The following FAF1 variants were observed in gnomAD, a reference collection of about 807,000 sequenced individuals.
FAF1 encodes FAS-associated factor 1.
FAF1 carries 25 observed loss-of-function variants against 92.5 expected under a neutral mutation model. That is an observed-to-expected ratio of 0.27 (90% CI 0.20 to 0.38). FAF1 has a LOEUF of 0.38. FAF1 is among the 10% of genes least tolerant of loss of function. The pLI is 1.00. For synonymous variants in FAF1, 234 were observed against 273.2 expected, an observed-to-expected ratio of 0.86 and a Z score of 1.42; for missense variants, 636 against 793.3, an observed-to-expected ratio of 0.80 and a Z score of 2.38.
At chr1:50,822,774 CTTTT>C (rs772097310) in intron 2 of FAF1, among the ~76,000 whole-genome samples, 23 of 125,206 alleles carry the variant, frequency 1.8e-4, no homozygotes, top group Admixed American at 7.1e-4. Context: ...TTCTTTCTTT[CTTTT>C]TTTTTTTTTT....
intron 1 of FAF1, among the ~76,000 whole-genome samples, chr1:50,931,243 T>G (rs1038742926): frequency 6.6e-6 from 1 of 152,260 alleles, no homozygotes; most frequent in Non-Finnish European, 1.5e-5. Context: ...TATTTTGTTT[T>G]CAATCTGTTC....
intron 8 of FAF1, among the ~76,000 whole-genome samples, chr1:50,631,613 C>A (rs11205747): frequency 0.12 from 18,712 of 152,110 alleles, 1,829 homozygotes; most frequent in African/African-American, 0.28. Context: ...TAAGAAAAAA[C>A]AATCATGCTG....
At chr1:50,831,805 CAA>C (rs1157102526) in intron 2 of FAF1, among the ~76,000 whole-genome samples, 1,242 of 81,686 alleles carry the variant, frequency 0.015, 11 homozygotes, top group African/African-American at 0.05. Context: ...TTATCAGAGA[CAA>C]AAAAAAAAAA....
At chr1:50,585,816 T>A (rs900412975) in intron 9 of FAF1, among the ~76,000 whole-genome samples, 1 of 145,906 alleles carries the variant, frequency 6.9e-6, no homozygotes, top group Non-Finnish European at 1.5e-5. Flanking sequence ...AGAAAAGCAT[T>A]AATAGAAACA....
chr1:50,462,534 C>T (rs1469984738), intron 18 of FAF1, among the ~76,000 whole-genome samples: 1 of 152,166 alleles, frequency 6.6e-6, no homozygotes, highest in East Asian at 1.9e-4. Context: ...CAACTCCTCC[C>T]CTTTTTAAAG....
chr1:50,588,095 T>TG (rs1478658917), intron 9 of FAF1, among the ~76,000 whole-genome samples: 1 of 152,140 alleles, frequency 6.6e-6, no homozygotes, highest in Non-Finnish European at 1.5e-5. Flanking sequence ...GAGACCAGCC[T>TG]GGCCAACATG....
At chr1:50,879,888 GGAT>G (rs1177828319) in intron 1 of FAF1, among the ~76,000 whole-genome samples, 3 of 152,178 alleles carry the variant, frequency 2.0e-5, no homozygotes, top group Non-Finnish European at 4.4e-5. Flanking sequence ...AGAAGAAGTA[GGAT>G]GATAAGATGT....
chr1:50,687,485 C>T (rs1278749761), intron 7 of FAF1, among the ~76,000 whole-genome samples: 1 of 152,026 alleles, frequency 6.6e-6, no homozygotes, highest in African/African-American at 2.4e-5. Flanking sequence ...TGCGATGGCT[C>T]ATGCCTGTAA....
In FAF1 at chr1:50,437,799, G is replaced by GA. The variant is rs1646139760; in HGVS notation, c.*3640dup. The GA allele has an allele frequency of 6.6e-6, 1 of 151,914 alleles. No individual in the cohort carries two copies. Among genetic ancestry groups the GA allele is most frequent in the African/African-American group, 2.4e-5 (1 of 41,340 alleles). The allele number at this position is 151,914 out of a possible 1,614,324, so 9.4% of individuals were successfully genotyped here. A position where few individuals can be genotyped will look rare whatever the true frequency, so the allele number is the denominator to read the frequency against. On this transcript the variant is annotated 3_prime_UTR_variant, in exon 19 of 19. Transcript: ENST00000396153. ...GCACTTTGGGAGGCTGAGGTGGGCC[G>GA]ATTACCTGAGGTCAGGAGTTCTAGA...
chr1:50,637,954 A>G (rs1472159137), intron 8 of FAF1, among the ~76,000 whole-genome samples: 1 of 151,924 alleles, frequency 6.6e-6, no homozygotes, highest in Admixed American at 6.6e-5. Context: ...ATGGTAGCTC[A>G]TTCCATGTCT....
At chr1:50,734,590 C>G (rs919176744) in intron 6 of FAF1, among the ~76,000 whole-genome samples, 1 of 151,894 alleles carries the variant, frequency 6.6e-6, no homozygotes, top group Non-Finnish European at 1.5e-5. Flanking sequence ...AAAAATTAGC[C>G]GGGCGTATTG....
intron 1 of FAF1, among the ~76,000 whole-genome samples, chr1:50,905,402 T>C (rs1374157973): frequency 1.3e-5 from 2 of 152,238 alleles, no homozygotes; most frequent in Non-Finnish European, 1.5e-5. Flanking sequence ...ATATACCCAA[T>C]AATGGGATGG....
intron 1 of FAF1, among the ~76,000 whole-genome samples, chr1:50,875,958 G>A (rs1346754370): frequency 1.3e-5 from 2 of 152,130 alleles, no homozygotes; most frequent in Admixed American, 1.3e-4. Context: ...AATTTCGTAT[G>A]TGTGTTTTTG....
Position 50,583,968 on chromosome 1 carries a change from C to T in FAF1, c.968-253G>A, listed in dbSNP as rs1230414112. Among the ~76,000 whole-genome samples, 2 of 152,082 alleles carry T rather than the reference C, an allele frequency of 1.3e-5. No individual in the cohort carries two copies. Among genetic ancestry groups the T allele is most frequent in the Admixed American group, 6.5e-5 (1 of 15,282 alleles). ...ATAAATTTTGAAAAACCAATGGACA[C>T]AATCCTGCTAAGCATTTAAAATATG... On this transcript the variant is annotated intron_variant, in intron 10 of 18. Transcript: ENST00000396153. The surrounding 1 kb of genome is among the most constrained non-coding windows in gnomAD (Gnocchi z 4.2).
At chr1:50,669,144 C>T (rs974106187) in intron 7 of FAF1, among the ~76,000 whole-genome samples, 1 of 152,160 alleles carries the variant, frequency 6.6e-6, no homozygotes, top group Non-Finnish European at 1.5e-5. Context: ...CTTCCTTCCT[C>T]CCATGCCTAA....
intron 1 of FAF1, among the ~76,000 whole-genome samples, chr1:50,957,347 C>CT (rs1188286312): frequency 0.047 from 4,889 of 104,240 alleles, 422 homozygotes; most frequent in African/African-American, 0.13. Flanking sequence ...TTTTCATTTT[C>CT]TTTTTTTTTT....
At chr1:50,577,873 G>A (rs1650823981) in intron 12 of FAF1, among the ~76,000 whole-genome samples, 1 of 152,130 alleles carries the variant, frequency 6.6e-6, no homozygotes, top group Admixed American at 6.5e-5. Flanking sequence ...TACCAAAGTT[G>A]GAAGCTCTGC....
At chr1:50,815,799 G>A (rs1301238028) in intron 2 of FAF1, among the ~76,000 whole-genome samples, 1 of 152,084 alleles carries the variant, frequency 6.6e-6, no homozygotes, top group African/African-American at 2.4e-5. Flanking sequence ...CGAGACGGGC[G>A]GATCACTTGA....
At position 50,945,321 on chromosome 1, in the gene FAF1, T is replaced by C. The variant is rs11810819; in HGVS notation, c.45+14446A>G. ...CCATAAAAAAAAATGGCAACAGGAG[T>C]GAGGCACCACTGATAGGAAGCTGGC... On this transcript the variant is annotated intron_variant, in intron 1 of 18. Coordinates refer to ENST00000396153, the MANE Select transcript of FAF1 (RefSeq NM_007051.3). Among the ~76,000 whole-genome samples the C allele has an allele frequency of 7.4e-3, 1,125 of 151,302 alleles. 23 individuals carry two copies. Among genetic ancestry groups the C allele is most frequent in the African/African-American group, 0.026 (1,071 of 41,212 alleles).
Sources: allele counts gnomAD v4.1 joint callset (sites outside exome capture counted in the v4.1 genomes callset), GRCh38; gene constraint gnomAD v4.1.1; non-coding constraint Gnocchi (gnomAD v3.1); transcripts MANE v1.5; gene names NCBI Gene and HGNC (gene_info 2026-07-23, HGNC 2026-07-21).